Variants in FAM227A observed in about 807,000 individuals in gnomAD.
The protein encoded by FAM227A is family with sequence similarity 227 member A, also known as protein FAM227A.
FAM227A carries 80 observed loss-of-function variants against 74.7 expected under a neutral mutation model. That is an observed-to-expected ratio of 1.07 (90% CI 0.89 to 1.29). The LOEUF (loss-of-function observed/expected upper bound fraction) is 1.29. FAM227A is among the 50% of genes most tolerant of loss of function. The pLI is 0.00. For synonymous variants in FAM227A, 237 were observed against 241.8 expected, an observed-to-expected ratio of 0.98 and a Z score of 0.19; for missense variants, 654 against 683.4, an observed-to-expected ratio of 0.96 and a Z score of 0.48.
chr22:38,599,639 G>T, intron 14 of FAM227A, 125 bp downstream of exon 14: 1 of 846,722 alleles, frequency 1.2e-6, no homozygotes, highest in South Asian at 2.4e-5. Context: ...GGCCACCTCT[G>T]GCGAGTACAC....
At chr22:38,652,073 C>A (rs1391243255) in intron 1 of FAM227A, among the ~76,000 whole-genome samples, 1 of 151,824 alleles carries the variant, frequency 6.6e-6, no homozygotes, top group Non-Finnish European at 1.5e-5. Flanking sequence ...GTAATCCCAG[C>A]TACTAGGGAG....
intron 11 of FAM227A, among the ~76,000 whole-genome samples, chr22:38,612,022 C>T (rs553277452): frequency 3.3e-5 from 5 of 152,096 alleles, no homozygotes; most frequent in Non-Finnish European, 5.9e-5. Context: ...CTTCTCCTCC[C>T]CACTCCCAAA....
chr22:38,627,276 T>G (rs1055247466), intron 8 of FAM227A, among the ~76,000 whole-genome samples: 2 of 151,806 alleles, frequency 1.3e-5, no homozygotes, highest in Non-Finnish European at 2.9e-5. Flanking sequence ...AAATATAAAA[T>G]GGAAAGGGAG....
At chr22:38,632,694 C>T (rs554228566) in intron 6 of FAM227A, among the ~76,000 whole-genome samples, 6 of 152,210 alleles carry the variant, frequency 3.9e-5, no homozygotes, top group African/African-American at 1.4e-4. Flanking sequence ...ATAAAGGGGC[C>T]TGGGACACCA....
intron 15 of FAM227A, among the ~76,000 whole-genome samples, chr22:38,592,770 T>A (rs2090965347): frequency 6.6e-6 from 1 of 152,222 alleles, no homozygotes; most frequent in African/African-American, 2.4e-5. Flanking sequence ...TTTCTGTCAC[T>A]CTAAGCCAAA....
intron 6 of FAM227A, among the ~76,000 whole-genome samples, chr22:38,630,453 T>C (rs996940230): frequency 2.0e-5 from 3 of 152,204 alleles, no homozygotes; most frequent in Non-Finnish European, 4.4e-5. Context: ...CTGTGTGACT[T>C]TGAGCAAAGT....
intron 15 of FAM227A, among the ~76,000 whole-genome samples, chr22:38,593,756 T>G (rs937642993): frequency 6.6e-6 from 1 of 152,124 alleles, no homozygotes; most frequent in African/African-American, 2.4e-5. Flanking sequence ...ACTGGCATGC[T>G]CCCGGCTCAC....
At chr22:38,652,720 A>G (rs998557524) in intron 1 of FAM227A, among the ~76,000 whole-genome samples, 1 of 150,956 alleles carries the variant, frequency 6.6e-6, no homozygotes, top group African/African-American at 2.4e-5. Flanking sequence ...CTCCGTCTCT[A>G]CTAAAAATTA....
rs199943796 is a variant in FAM227A, at chr22:38,626,276, C to A, written c.754G>T (p.Val252Leu). The change falls in exon 9 of 17, where the codon GTG becomes TTG. Residue 252 changes from valine (V) to leucine (L), a missense_variant. Coordinates refer to ENST00000535113, the MANE Select transcript of FAM227A (RefSeq NM_001013647.2). The stretch of plus-strand genomic sequence containing the variant: ...AAGCAGCAACAGAAGCTGGTGTACA[C>A]GGCTTTGCTGAGAAGTGATGGCAGC... Reference protein sequence around the residue: ...KRLPSLLSKAVYTSFCCCFPQ... With the variant: ...KRLPSLLSKALYTSFCCCFPQ... The A allele has an allele frequency of 3.9e-6, 6 of 1,551,564 alleles. No individual in the cohort carries two copies. In the Middle Eastern group the frequency reaches 5.0e-4, roughly 130 times the overall value.
intron 1 of FAM227A, among the ~76,000 whole-genome samples, chr22:38,654,279 C>T (rs776321416): frequency 6.6e-6 from 1 of 151,850 alleles, no homozygotes; most frequent in Non-Finnish European, 1.5e-5. Context: ...ACCCAGGAGG[C>T]GGAGCTTGCA....
rs781041691 is a variant in FAM227A at position 38,588,927 on chromosome 22, CAAAAAAAAA to C, written c.1638+2499_1638+2507del. Among the ~76,000 whole-genome samples the C allele has an allele frequency of 1.3e-3, 82 of 61,486 alleles. 1 individual carries two copies. The highest frequency in any genetic ancestry group is 2.7e-3 in the South Asian group (5 of 1,882). The allele number at this position is 61,486 out of a possible 152,430, so 40.3% of individuals were successfully genotyped here. On this transcript the variant is annotated intron_variant, in intron 16 of 16. Coordinates refer to ENST00000535113, the MANE Select transcript of FAM227A (RefSeq NM_001013647.2). ...TGGGCGATAGAGCAAGACTCCATCTCAAAAAAAAAAAAAAAAGAAAAAAAGAAGAAGAAG... is the reference window on the plus strand; with the variant it reads ...TGGGCGATAGAGCAAGACTCCATCTCAAAAAAAGAAAAAAAGAAGAAGAAG...
chr22:38,627,982 T>C (rs987527559), intron 8 of FAM227A, among the ~76,000 whole-genome samples: 2 of 152,184 alleles, frequency 1.3e-5, no homozygotes, highest in Non-Finnish European at 2.9e-5. Context: ...GGTTTTTTTT[T>C]TCTATTCATA....
intron 1 of FAM227A, among the ~76,000 whole-genome samples, chr22:38,650,714 G>A (rs1226159069): frequency 1.3e-5 from 2 of 152,062 alleles, no homozygotes; most frequent in Admixed American, 6.6e-5. Context: ...TCTCCTCAGC[G>A]CGAGGCTCCT....
chr22:38,625,960 A>T (rs960878992), intron 9 of FAM227A, among the ~76,000 whole-genome samples: 31 of 151,814 alleles, frequency 2.0e-4, no homozygotes, highest in African/African-American at 6.1e-4. Context: ...AAAAAAAAAA[A>T]AAGGATTAGG....
chr22:38,618,675 T>A (rs978379875), intron 11 of FAM227A: 1 of 152,166 alleles, frequency 6.6e-6, no homozygotes, highest in African/African-American at 2.4e-5. Context: ...AAGGTTTTTT[T>A]CCCTCCCTAC....
chr22:38,638,150 G>C (rs1325375562), intron 5 of FAM227A, among the ~76,000 whole-genome samples: 3 of 152,112 alleles, frequency 2.0e-5, no homozygotes, highest in Non-Finnish European at 2.9e-5. Flanking sequence ...GGGTGACAGA[G>C]AGAGACCCCA....
In FAM227A at chr22:38,591,488, T is replaced by C. The variant is rs2090934196; in HGVS notation, c.1585A>G (p.Met529Val). The C allele has an allele frequency of 2.6e-6, 4 of 1,550,582 alleles. No homozygotes were observed. The South Asian group carries it at 3.6e-5, about 14-fold the overall frequency. The change falls in exon 16 of 17, where the codon ATG becomes GTG. Residue 529 changes from methionine to valine, a missense_variant. Coordinates refer to ENST00000535113, the MANE Select transcript of FAM227A (RefSeq NM_001013647.2). ...KAADTKKANH[M>V]FIPPSAVNEE... ...TTGACGGCTGAAGGTGGGATGAACA[T>C]GTGGTTTGCCTTTTTTGTATCTGCT...
chr22:38,620,297 G>C lies in FAM227A; in HGVS notation c.959-6C>G. ...AAACAAAGAAAACTCTCTCCCTATA[G>C]AAGGGGAAAAGCTGTTATTAATTCC... is the stretch of plus-strand genomic sequence containing the variant. On this transcript the variant is annotated splice_region_variant and splice_polypyrimidine_tract_variant and intron_variant, in intron 10 of 16. Transcript: ENST00000535113. The C allele has an allele frequency of 3.2e-6, 5 of 1,547,174 alleles. No individual in the cohort carries two copies. Among genetic ancestry groups the C allele is most frequent in the Non-Finnish European group, 4.4e-6 (5 of 1,142,934 alleles).
chr22:38,614,684 G>A (rs1361092834), intron 11 of FAM227A, among the ~76,000 whole-genome samples: 1 of 152,158 alleles, frequency 6.6e-6, no homozygotes, highest in Non-Finnish European at 1.5e-5. Context: ...CTGTGCTCAA[G>A]GTTCCAGAGT....
Sources: allele counts gnomAD v4.1 joint callset (sites outside exome capture counted in the v4.1 genomes callset), GRCh38; gene constraint gnomAD v4.1.1; transcripts MANE v1.5; gene names NCBI Gene and HGNC (gene_info 2026-07-23, HGNC 2026-07-21).